CNTNAP4: variants seen among roughly 807,000 people sequenced by gnomAD.
CNTNAP4 encodes the protein contactin-associated protein-like 4.
In CNTNAP4, 98 loss-of-function variants were observed where a neutral mutation model predicts 148.4. The ratio of observed to expected loss-of-function variants is 0.66; its 90% CI spans 0.56 to 0.78. The LOEUF is 0.78. Ranked by LOEUF, CNTNAP4 falls within the 30% of genes least tolerant of loss-of-function variation. CNTNAP4 has a pLI of 0.00. For synonymous variants in CNTNAP4, 730 were observed against 565.1 expected (o/e 1.29, Z -4.14); for missense variants, 1,935 against 1,565.6 (o/e 1.24, Z -3.98).
intron 15 of CNTNAP4, among the ~76,000 whole-genome samples, chr16:76,513,149 G>A (rs1664828053): frequency 6.6e-6 from 1 of 152,168 alleles, no homozygotes; most frequent in South Asian, 2.1e-4. Context: ...CCTGCATTGT[G>A]GACGGTTAAT....
chr16:76,349,981 T>C (rs755465392), intron 2 of CNTNAP4, among the ~76,000 whole-genome samples: 5 of 152,098 alleles, frequency 3.3e-5, no homozygotes, highest in African/African-American at 9.7e-5. Flanking sequence ...AGAGTATTTT[T>C]TCTTCACTTT....
intron 2 of CNTNAP4, among the ~76,000 whole-genome samples, chr16:76,333,469 CTA>C (rs1255099228): frequency 6.6e-6 from 1 of 152,134 alleles, no homozygotes; most frequent in Non-Finnish European, 1.5e-5. Flanking sequence ...TTGATGACCT[CTA>C]TTTGTTGAGA....
intron 2 of CNTNAP4, among the ~76,000 whole-genome samples, chr16:76,322,486 C>G (rs1962528777): frequency 2.0e-5 from 3 of 152,184 alleles, no homozygotes; most frequent in Admixed American, 1.3e-4. Context: ...TTAGACATAT[C>G]TGGAATTAAT....
At chr16:76,360,045 A>T (rs925011623) in intron 3 of CNTNAP4, among the ~76,000 whole-genome samples, 1 of 152,224 alleles carries the variant, frequency 6.6e-6, no homozygotes, top group Non-Finnish European at 1.5e-5. Context: ...AGTAAATATG[A>T]TTGTTAAACC....
intron 1 of CNTNAP4, among the ~76,000 whole-genome samples, chr16:76,313,026 G>T (rs1961307038): frequency 6.6e-6 from 1 of 152,048 alleles, no homozygotes; most frequent in African/African-American, 2.4e-5. Context: ...AACCACCAAG[G>T]CCAACAACCA....
intron 4 of CNTNAP4, among the ~76,000 whole-genome samples, chr16:76,436,011 C>T (rs146059832): frequency 1.7e-3 from 263 of 152,124 alleles, no homozygotes; most frequent in African/African-American, 6.1e-3. Flanking sequence ...AGTGCACCTC[C>T]TCATGGGTCA....
intron 15 of CNTNAP4, among the ~76,000 whole-genome samples, chr16:76,515,408 C>A (rs2083208483): frequency 6.6e-6 from 1 of 151,968 alleles, no homozygotes. Flanking sequence ...GGACCAGTGT[C>A]CTTATAAGAA....
At chr16:76,482,007 TTA>T (rs1221034565) in intron 12 of CNTNAP4, among the ~76,000 whole-genome samples, 4 of 102,022 alleles carry the variant, frequency 3.9e-5, no homozygotes, top group Non-Finnish European at 6.2e-5. Context: ...GTTTATTTTT[TTA>T]TTTTTTTTTT....
chr16:76,401,097 C>T (rs932627520), intron 3 of CNTNAP4, among the ~76,000 whole-genome samples: 2 of 152,012 alleles, frequency 1.3e-5, no homozygotes, highest in Admixed American at 6.6e-5. Flanking sequence ...AGTTTGATAA[C>T]AATAGTATTG....
chr16:76,500,971 T>A (rs1048042660), intron 15 of CNTNAP4, among the ~76,000 whole-genome samples: 1 of 152,196 alleles, frequency 6.6e-6, no homozygotes, highest in Non-Finnish European at 1.5e-5. Context: ...TAAAATTTTA[T>A]GCTAGGGGCA....
intron 4 of CNTNAP4, among the ~76,000 whole-genome samples, chr16:76,443,551 A>G (rs2080123672): frequency 6.6e-6 from 1 of 152,158 alleles, no homozygotes; most frequent in South Asian, 2.1e-4. Context: ...AGATTATGCC[A>G]TTGCACTCCA....
intron 13 of CNTNAP4, among the ~76,000 whole-genome samples, chr16:76,492,592 C>T (rs1012454171): frequency 2.0e-5 from 3 of 152,112 alleles, no homozygotes; most frequent in African/African-American, 7.2e-5. Flanking sequence ...TAATAATCCT[C>T]ACGTGTCAAG....
chr16:76,428,570 T>C (rs1408493922), intron 4 of CNTNAP4, among the ~76,000 whole-genome samples: 1 of 152,120 alleles, frequency 6.6e-6, no homozygotes, highest in East Asian at 1.9e-4. Flanking sequence ...AAGTGACTTG[T>C]TGAAGTTGTC....
At chr16:76,543,002 C>G (rs182084838) in intron 21 of CNTNAP4, among the ~76,000 whole-genome samples, 1 of 152,262 alleles carries the variant, frequency 6.6e-6, no homozygotes, top group East Asian at 1.9e-4. Flanking sequence ...ATAACATTCA[C>G]TATATAAGTC....
chr16:76,495,213 C>G, intron 14 of CNTNAP4, 147 bp downstream of exon 14: 1 of 773,260 alleles, frequency 1.3e-6, no homozygotes, highest in Non-Finnish European at 2.1e-6. Flanking sequence ...GTGGTGTAGT[C>G]AATATAATCG....
rs372665319 is a variant in CNTNAP4 at position 76,558,563 on chromosome 16, G to A, written c.3807G>A (p.Arg1269=). 6.8e-6 allele frequency: 11 copies of A among 1,612,586 alleles called. No individual in the cohort carries two copies. The East Asian group carries it at 1.8e-4, about 26-fold the overall frequency. ...AIAVRIYQQK[R]LYKRSEAKRS... ...CTGTTCGCATTTATCAGCAGAAAAG[G>A]TTATATAAAAGAAGTGAGGCAAAAA... Residue 1269 remains arginine (R), a synonymous_variant, in exon 24 of 24, where the codon AGG becomes AGA. Coordinates refer to ENST00000611870, the MANE Select transcript of CNTNAP4 (RefSeq NM_033401.5).
chr16:76,296,030 C>T (rs527743390), intron 1 of CNTNAP4, among the ~76,000 whole-genome samples: 1 of 152,142 alleles, frequency 6.6e-6, no homozygotes, highest in African/African-American at 2.4e-5. Flanking sequence ...TTGAAACTCT[C>T]TTCCTAAACT....
intron 3 of CNTNAP4, among the ~76,000 whole-genome samples, chr16:76,386,909 G>C (rs1460783677): frequency 6.6e-6 from 1 of 152,144 alleles, no homozygotes; most frequent in African/African-American, 2.4e-5. Flanking sequence ...TGTGGAAGGA[G>C]AATAGAGTTA....
chr16:76,345,380 A>T (rs1057432387), intron 2 of CNTNAP4, among the ~76,000 whole-genome samples: 5 of 152,232 alleles, frequency 3.3e-5, no homozygotes, highest in African/African-American at 1.2e-4. Context: ...TTTAATAAAA[A>T]CAAAACAGTG....
Sources: gnomAD v4.1 joint callset for allele counts (sites outside exome capture counted in the v4.1 genomes callset) on GRCh38, gnomAD v4.1.1 for gene constraint, MANE v1.5 for transcripts, NCBI Gene and HGNC (gene_info 2026-07-23, HGNC 2026-07-21) for gene names.